GRIA1: variants seen among roughly 807,000 people sequenced by gnomAD.
GRIA1 encodes the protein glutamate ionotropic receptor AMPA type subunit 1, also known as glutamate receptor 1.
In GRIA1, 31 loss-of-function variants were observed where a neutral mutation model predicts 99.2. The ratio of observed to expected loss-of-function variants is 0.31; its 90% CI spans 0.23 to 0.42. The LOEUF (loss-of-function observed/expected upper bound fraction) is 0.42. Ranked by LOEUF, GRIA1 falls within the 10% of genes least tolerant of loss-of-function variation. The pLI is 1.00. For missense variants in GRIA1, 782 were observed against 1,157.5 expected, an observed-to-expected ratio of 0.68 and a Z score of 4.71; for synonymous variants, 438 against 432.4, an observed-to-expected ratio of 1.01 and a Z score of -0.16.
chr5:153,556,651 G>A (rs951751261), intron 2 of GRIA1, among the ~76,000 whole-genome samples: 4 of 152,114 alleles, frequency 2.6e-5, no homozygotes, highest in African/African-American at 9.7e-5. Context: ...TTTGAAATAA[G>A]CAGGTGTGTT....
intron 12 of GRIA1, among the ~76,000 whole-genome samples, chr5:153,765,184 C>T (rs1003404102): frequency 3.3e-5 from 5 of 152,010 alleles, no homozygotes; most frequent in African/African-American, 7.2e-5. Flanking sequence ...AGACAGTGAG[C>T]GGAAGCAAAG....
At chr5:153,795,127 A>G (rs923678888) in intron 14 of GRIA1, among the ~76,000 whole-genome samples, 2 of 152,096 alleles carry the variant, frequency 1.3e-5, no homozygotes, top group African/African-American at 4.8e-5. Context: ...AGATTCTGAG[A>G]TACACACCAA....
intron 11 of GRIA1, among the ~76,000 whole-genome samples, chr5:153,740,147 G>A (rs1030489013): frequency 6.6e-6 from 1 of 152,222 alleles, no homozygotes; most frequent in Non-Finnish European, 1.5e-5. Flanking sequence ...TCAATTTTGT[G>A]TTCCGCCCAA....
At chr5:153,729,075 T>G (rs1760802886) in intron 11 of GRIA1, among the ~76,000 whole-genome samples, 1 of 150,144 alleles carries the variant, frequency 6.7e-6, no homozygotes, top group Non-Finnish European at 1.5e-5. Flanking sequence ...TGAGTTCGTG[T>G]CCTTTGTAGG....
chr5:153,705,578 A>G, intron 10 of GRIA1, 119 bp from the exon 11 acceptor site: 2 of 1,301,680 alleles, frequency 1.5e-6, no homozygotes, highest in South Asian at 1.8e-5. Flanking sequence ...GTTCTTTCCC[A>G]CTCTCATATC....
intron 2 of GRIA1, among the ~76,000 whole-genome samples, chr5:153,537,038 G>GAT (rs1758642953): frequency 6.6e-6 from 1 of 152,214 alleles, no homozygotes; most frequent in Non-Finnish European, 1.5e-5. Context: ...TGTAGAGAGA[G>GAT]ATTCCACAGG....
chr5:153,761,191 A>C (rs1410229308), intron 11 of GRIA1, among the ~76,000 whole-genome samples: 2 of 152,202 alleles, frequency 1.3e-5, no homozygotes, highest in African/African-American at 4.8e-5. Flanking sequence ...CATCAAACTA[A>C]AAAGCTTCAG....
At chr5:153,742,353 G>T (rs897402292) in intron 11 of GRIA1, among the ~76,000 whole-genome samples, 2 of 152,164 alleles carry the variant, frequency 1.3e-5, no homozygotes, top group African/African-American at 4.8e-5. Context: ...TCTGTCAGTC[G>T]CTGTCCTGTG....
At chr5:153,711,629 G>A (rs935737944) in intron 11 of GRIA1, among the ~76,000 whole-genome samples, 3 of 152,160 alleles carry the variant, frequency 2.0e-5, no homozygotes, top group Admixed American at 6.5e-5. Context: ...TCACCCAGGC[G>A]ATACCTATGG....
intron 11 of GRIA1, among the ~76,000 whole-genome samples, chr5:153,736,563 C>T (rs563733460): frequency 2.4e-4 from 37 of 152,260 alleles, no homozygotes; most frequent in African/African-American, 7.5e-4. Context: ...TATGTATGAT[C>T]GCTGGATGTT....
intron 2 of GRIA1, among the ~76,000 whole-genome samples, chr5:153,641,063 A>G (rs1753746750): frequency 6.6e-6 from 1 of 152,162 alleles, no homozygotes; most frequent in Non-Finnish European, 1.5e-5. Flanking sequence ...TTACAACGTT[A>G]GAGTAAGATG....
chr5:153,703,959 T>C (rs974134516), intron 10 of GRIA1, among the ~76,000 whole-genome samples: 2 of 152,190 alleles, frequency 1.3e-5, no homozygotes, highest in African/African-American at 4.8e-5. Flanking sequence ...AAAAAGTAAA[T>C]ACCTTCTCCC....
intron 2 of GRIA1, among the ~76,000 whole-genome samples, chr5:153,557,001 G>GTGCTTGCCTCAA (rs1409878158): frequency 1.3e-5 from 2 of 152,194 alleles, no homozygotes; most frequent in African/African-American, 4.8e-5. Flanking sequence ...TGAGGCAAGT[G>GTGCTTGCCTCAA]TAACACAATG....
chr5:153,543,532 T>G (rs1462388871), intron 2 of GRIA1, among the ~76,000 whole-genome samples: 2 of 152,128 alleles, frequency 1.3e-5, no homozygotes, highest in Non-Finnish European at 2.9e-5. Flanking sequence ...GGCCATATGA[T>G]GTCATCATAT....
intron 7 of GRIA1, among the ~76,000 whole-genome samples, chr5:153,681,056 G>C (rs1429054040): frequency 6.6e-6 from 1 of 152,260 alleles, no homozygotes; most frequent in South Asian, 2.1e-4. Context: ...TAATAGTTTT[G>C]TAGGCTGCAC....
chr5:153,717,797 G>A (rs1302729006), intron 11 of GRIA1, among the ~76,000 whole-genome samples: 1 of 152,158 alleles, frequency 6.6e-6, no homozygotes, highest in South Asian at 2.1e-4. Context: ...TAACTTCTGG[G>A]ATTCAAAGGG....
At chr5:153,799,067 A>G (rs546833162) in intron 14 of GRIA1, among the ~76,000 whole-genome samples, 2 of 133,712 alleles carry the variant, frequency 1.5e-5, no homozygotes, top group Admixed American at 1.4e-4. Context: ...CGGGAGGTGA[A>G]TTGTGACTTT....
At chr5:153,568,727 T>C (rs1761868788) in intron 2 of GRIA1, among the ~76,000 whole-genome samples, 1 of 152,204 alleles carries the variant, frequency 6.6e-6, no homozygotes, top group African/African-American at 2.4e-5. Flanking sequence ...TATAGCCATA[T>C]CAAAATTTAT....
intron 2 of GRIA1, among the ~76,000 whole-genome samples, chr5:153,500,942 T>C (rs1260055659): frequency 6.6e-6 from 1 of 152,144 alleles, no homozygotes; most frequent in Non-Finnish European, 1.5e-5. Context: ...AGCTTATTTA[T>C]AAAATGAAGC....
Sources: allele counts gnomAD v4.1 joint callset (sites outside exome capture counted in the v4.1 genomes callset), GRCh38; gene constraint gnomAD v4.1.1; transcripts MANE v1.5; gene names NCBI Gene and HGNC (gene_info 2026-07-23, HGNC 2026-07-21).